Variants in MARCHF1 observed in about 807,000 individuals in gnomAD.
MARCHF1 encodes E3 ubiquitin-protein ligase MARCHF1.
MARCHF1 carries 40 observed loss-of-function variants against 54.2 expected under a neutral mutation model. The ratio of observed to expected loss-of-function variants is 0.74; its 90% CI spans 0.57 to 0.96. The LOEUF is 0.96. Among genes scored for constraint, MARCHF1 ranks in the 40% least tolerant of loss-of-function variants. The pLI is 0.00. For missense variants in MARCHF1, 586 were observed against 656.5 expected, an observed-to-expected ratio of 0.89 and a Z score of 1.17; for synonymous variants, 236 against 236.3, an observed-to-expected ratio of 1.00 and a Z score of 0.01.
intron 8 of MARCHF1, among the ~76,000 whole-genome samples, chr4:163,575,881 C>T (rs1057131822): frequency 3.3e-5 from 5 of 151,838 alleles, no homozygotes; most frequent in Admixed American, 1.3e-4. Context: ...TCTGGGAGAT[C>T]GGTTGTAATG....
intron 4 of MARCHF1, among the ~76,000 whole-genome samples, chr4:163,846,350 T>C (rs1406398839): frequency 4.6e-5 from 7 of 152,156 alleles, no homozygotes; most frequent in African/African-American, 1.7e-4. Context: ...ATACTCAACC[T>C]CCTCTTTCTG....
At chr4:163,571,209 G>C (rs1350738679) in intron 8 of MARCHF1, among the ~76,000 whole-genome samples, 1 of 152,060 alleles carries the variant, frequency 6.6e-6, no homozygotes, top group Non-Finnish European at 1.5e-5. Flanking sequence ...AATTGGACCT[G>C]TCTGGAATTA....
In MARCHF1 at chr4:163,980,495, A is replaced by G. The variant is rs184133254; in HGVS notation, c.-39+8006T>C. 4.1e-3 allele frequency among the ~76,000 whole-genome samples: 621 copies of G among 152,008 alleles called. 5 individuals are homozygous for G. The highest frequency in any genetic ancestry group is 0.014 in the African/African-American group (571 of 41,438). On this transcript the variant is annotated intron_variant, in intron 3 of 9. Coordinates refer to ENST00000514618, the MANE Select transcript of MARCHF1 (RefSeq NM_001394959.1). ...GTCCAAAACACCAAAAGCAATGGCA[A>G]CAAAAGCCAAAATTGACAAATGGGA...
intron 8 of MARCHF1, among the ~76,000 whole-genome samples, chr4:163,577,691 T>A (rs1428498379): frequency 6.6e-6 from 1 of 152,070 alleles, no homozygotes; most frequent in East Asian, 1.9e-4. Flanking sequence ...GTTGTTTACA[T>A]CCCTCCTTCT....
At chr4:163,885,311 G>T (rs572982711) in intron 3 of MARCHF1, among the ~76,000 whole-genome samples, 17 of 152,184 alleles carry the variant, frequency 1.1e-4, no homozygotes, top group African/African-American at 3.9e-4. Context: ...TGGATTTTAA[G>T]ATTTAATGTA....
At chr4:164,152,116 G>T (rs1396717503) in intron 1 of MARCHF1, among the ~76,000 whole-genome samples, 1 of 152,014 alleles carries the variant, frequency 6.6e-6, no homozygotes, top group Non-Finnish European at 1.5e-5. Context: ...AATGGAAATG[G>T]GGGACGATAG....
chr4:163,631,196 G>A (rs1038821574), intron 5 of MARCHF1, among the ~76,000 whole-genome samples: 1 of 151,322 alleles, frequency 6.6e-6, no homozygotes, highest in Non-Finnish European at 1.5e-5. Flanking sequence ...AAAATAAGTT[G>A]CAGAACTTTT....
chr4:163,870,170 A>G (rs1219529763), intron 3 of MARCHF1, among the ~76,000 whole-genome samples: 1 of 152,106 alleles, frequency 6.6e-6, no homozygotes, highest in Non-Finnish European at 1.5e-5. Context: ...AATGTAAAGG[A>G]AAAAAATGAC....
intron 4 of MARCHF1, among the ~76,000 whole-genome samples, chr4:163,781,372 T>C (rs886444708): frequency 6.6e-6 from 1 of 152,052 alleles, no homozygotes; most frequent in Non-Finnish European, 1.5e-5. Flanking sequence ...GAGAGAAAAC[T>C]ATTGACCTAG....
intron 5 of MARCHF1, among the ~76,000 whole-genome samples, chr4:163,670,091 A>G (rs1743679618): frequency 6.6e-6 from 1 of 151,790 alleles, no homozygotes; most frequent in South Asian, 2.1e-4. Context: ...TCTTTCTTTA[A>G]TATCATTTAT....
intron 8 of MARCHF1, among the ~76,000 whole-genome samples, chr4:163,582,210 C>T (rs535635115): frequency 6.6e-6 from 1 of 152,266 alleles, no homozygotes; most frequent in East Asian, 1.9e-4. Context: ...TTATGTGTGA[C>T]ATTTTGACTT....
chr4:164,085,095 A>G (rs1323479176), intron 2 of MARCHF1, among the ~76,000 whole-genome samples: 1 of 151,758 alleles, frequency 6.6e-6, no homozygotes, highest in Non-Finnish European at 1.5e-5. Context: ...CTCTTTTAGT[A>G]TATTTCTTTC....
chr4:163,594,040 G>A (rs935257065), intron 7 of MARCHF1, among the ~76,000 whole-genome samples: 1 of 152,120 alleles, frequency 6.6e-6, no homozygotes, highest in African/African-American at 2.4e-5. Context: ...AATTAGACAG[G>A]ATACATTTAA....
intron 3 of MARCHF1, among the ~76,000 whole-genome samples, chr4:163,937,101 T>C (rs577988697): frequency 6.6e-6 from 1 of 152,304 alleles, no homozygotes; most frequent in South Asian, 2.1e-4. Context: ...ACTTGTCTAG[T>C]GATGTTCAGT....
chr4:163,959,717 A>C (rs1752307597), intron 3 of MARCHF1, among the ~76,000 whole-genome samples: 1 of 152,086 alleles, frequency 6.6e-6, no homozygotes, highest in Non-Finnish European at 1.5e-5. Flanking sequence ...AAACCTTGAA[A>C]GACAACCTAG....
chr4:163,627,295 G>T (rs1441576742), intron 5 of MARCHF1, among the ~76,000 whole-genome samples: 1 of 152,064 alleles, frequency 6.6e-6, no homozygotes, highest in Non-Finnish European at 1.5e-5. Flanking sequence ...GTATTTTATT[G>T]AAGTCAGTTT....
chr4:164,142,683 A>G (rs1756579120), intron 1 of MARCHF1, among the ~76,000 whole-genome samples: 1 of 152,236 alleles, frequency 6.6e-6, no homozygotes, highest in Non-Finnish European at 1.5e-5. Context: ...CATCACCATC[A>G]TCAAAGACCA....
chr4:164,108,383 C>T (rs994150929), intron 2 of MARCHF1, among the ~76,000 whole-genome samples: 20 of 151,652 alleles, frequency 1.3e-4, no homozygotes, highest in African/African-American at 4.6e-4. Flanking sequence ...TTACATTATT[C>T]TCTGAATGAC....
At chr4:164,104,022 G>A (rs1158262430) in intron 2 of MARCHF1, among the ~76,000 whole-genome samples, 18,543 of 149,904 alleles carry the variant, frequency 0.12, 1,459 homozygotes, top group African/African-American at 0.28. Flanking sequence ...TAGAAGAAAT[G>A]GATAAATTCC....
Sources: gnomAD v4.1 joint callset for allele counts (sites outside exome capture counted in the v4.1 genomes callset) on GRCh38, gnomAD v4.1.1 for gene constraint, MANE v1.5 for transcripts, NCBI Gene and HGNC (gene_info 2026-07-23, HGNC 2026-07-21) for gene names.